The following BCKDHB variants were observed in gnomAD, a reference collection of about 807,000 sequenced individuals.
The protein encoded by BCKDHB is branched chain keto acid dehydrogenase E1 subunit beta.
BCKDHB carries 41 observed loss-of-function variants against 48.5 expected under a neutral mutation model. That is an observed-to-expected ratio of 0.85 (90% CI 0.66 to 1.10). BCKDHB has a LOEUF of 1.10. BCKDHB is among the 50% of genes least tolerant of loss of function. The pLI is 0.00. For missense variants in BCKDHB, 496 were observed against 494.2 expected, an observed-to-expected ratio of 1.00 and a Z score of -0.03; for synonymous variants, 201 against 174.8, an observed-to-expected ratio of 1.15 and a Z score of -1.18.
chr6:80,225,789 G>A (rs1474285382), intron 8 of BCKDHB, among the ~76,000 whole-genome samples: 1 of 151,916 alleles, frequency 6.6e-6, no homozygotes, highest in East Asian at 1.9e-4. Flanking sequence ...CTTCCTTTGA[G>A]GCAGTGTTTA....
intron 8 of BCKDHB, among the ~76,000 whole-genome samples, chr6:80,271,047 C>A (rs1435296763): frequency 1.3e-5 from 2 of 152,094 alleles, no homozygotes; most frequent in Non-Finnish European, 2.9e-5. Context: ...TCCTACACTT[C>A]CTTCACTGCA....
the BCKDHB span, among the ~76,000 whole-genome samples, chr6:80,373,748 A>G: frequency 6.6e-6 from 1 of 152,098 alleles, no homozygotes; most frequent in Non-Finnish European, 1.5e-5. Context: ...GCCTTTTATC[A>G]TTATGTAATG....
chr6:80,194,903 C>T (rs1390124796), intron 6 of BCKDHB, among the ~76,000 whole-genome samples: 1 of 152,082 alleles, frequency 6.6e-6, no homozygotes, highest in East Asian at 1.9e-4. Flanking sequence ...TCAGTAAAAC[C>T]TTGTCATGCT....
intron 3 of BCKDHB, among the ~76,000 whole-genome samples, chr6:80,146,682 G>A (rs1017651068): frequency 6.6e-6 from 1 of 152,138 alleles, no homozygotes; most frequent in Non-Finnish European, 1.5e-5. Flanking sequence ...TTGCCCAAAG[G>A]CTTAGGAATT....
chr6:80,110,534 C>T (rs367896934), intron 1 of BCKDHB, among the ~76,000 whole-genome samples: 1 of 152,186 alleles, frequency 6.6e-6, no homozygotes, highest in East Asian at 1.9e-4. Context: ...TCCTGAAAAC[C>T]CTGAGGGAGA....
intron 8 of BCKDHB, among the ~76,000 whole-genome samples, chr6:80,267,775 G>A (rs1472761361): frequency 6.6e-6 from 1 of 152,062 alleles, no homozygotes; most frequent in Non-Finnish European, 1.5e-5. Context: ...AGGAAAAAAT[G>A]AACCAGTGAG....
chr6:80,212,104 G>T (rs149483187), intron 8 of BCKDHB, among the ~76,000 whole-genome samples: 3,299 of 152,212 alleles, frequency 0.022, 121 homozygotes, highest in African/African-American at 0.075. Context: ...ACTGATAAGG[G>T]TCTATGTTCA....
At chr6:80,111,261 G>T (rs1769394314) in intron 1 of BCKDHB, among the ~76,000 whole-genome samples, 1 of 152,186 alleles carries the variant, frequency 6.6e-6, no homozygotes, top group African/African-American at 2.4e-5. Flanking sequence ...ATGACGTCCA[G>T]AGTTACCTGG....
At position 80,203,026 on chromosome 6, in the gene BCKDHB, T is replaced by G. The variant is rs922516948; in HGVS notation, c.841-76T>G. ...AGACTTTAAATACTGTCTCTAATAG[T>G]GACATCAGCATTCAACTAGTTTTTG... On this transcript the variant is annotated intron_variant, in intron 7 of 9. Coordinates refer to ENST00000320393, the MANE Select transcript of BCKDHB (RefSeq NM_183050.4). 2.3e-5 allele frequency: 21 copies of G among 930,180 alleles called. No homozygotes were observed. The African/African-American group carries it at 2.6e-4, about 11-fold the overall frequency. The allele number at this position is 930,180 out of a possible 1,614,324, so 57.6% of individuals were successfully genotyped here. A position where few individuals can be genotyped will look rare whatever the true frequency, so the allele number is the denominator to read the frequency against.
chr6:80,328,409 T>C (rs1769150121), intron 9 of BCKDHB, among the ~76,000 whole-genome samples: 1 of 152,216 alleles, frequency 6.6e-6, no homozygotes, highest in Non-Finnish European at 1.5e-5. Flanking sequence ...ACAAGGACTC[T>C]CGTCTCCTTT....
intron 1 of BCKDHB, among the ~76,000 whole-genome samples, chr6:80,115,956 C>T (rs1333784641): frequency 6.6e-6 from 1 of 152,152 alleles, no homozygotes; most frequent in African/African-American, 2.4e-5. Flanking sequence ...ATATCAATAA[C>T]TAGGCAGTAC....
chr6:80,377,011 T>C, the BCKDHB span, among the ~76,000 whole-genome samples: 2 of 151,384 alleles, frequency 1.3e-5, no homozygotes, highest in Non-Finnish European at 2.9e-5. Context: ...ACTTTTTTAA[T>C]AGTGTCCTTT....
At chr6:80,333,637 T>G (rs973933735) in intron 9 of BCKDHB, among the ~76,000 whole-genome samples, 2 of 152,124 alleles carry the variant, frequency 1.3e-5, no homozygotes, top group Admixed American at 1.3e-4. Flanking sequence ...CTCCTGTATC[T>G]CTAGTAGCCT....
intron 8 of BCKDHB, among the ~76,000 whole-genome samples, chr6:80,233,670 C>T (rs1284322680): frequency 6.6e-6 from 1 of 152,182 alleles, no homozygotes; most frequent in East Asian, 1.9e-4. Flanking sequence ...ATTTTATCTA[C>T]TTTGCGTGTC....
At chr6:80,130,935 G>A (rs1770596825) in intron 3 of BCKDHB, among the ~76,000 whole-genome samples, 1 of 152,158 alleles carries the variant, frequency 6.6e-6, no homozygotes, top group African/African-American at 2.4e-5. Flanking sequence ...CAGTGTAGTA[G>A]CATGCCATGT....
chr6:80,419,860 T>G, the BCKDHB span, among the ~76,000 whole-genome samples: 1 of 152,230 alleles, frequency 6.6e-6, no homozygotes, highest in Non-Finnish European at 1.5e-5. Context: ...TTCCTTTGAA[T>G]GGATAATTTC....
chr6:80,286,370 T>C (rs1582505333), intron 9 of BCKDHB, among the ~76,000 whole-genome samples: 1 of 152,220 alleles, frequency 6.6e-6, no homozygotes, highest in East Asian at 1.9e-4. Flanking sequence ...AAACATTCAT[T>C]TGTATGACTT....
In BCKDHB at chr6:80,289,973, G is replaced by C. The variant is rs1738372761; in HGVS notation, c.1038+16752G>C. On this transcript the variant is annotated intron_variant, in intron 9 of 9. Transcript: ENST00000320393. ...ATCTATTCTGCAAGGCTTCCTGCCT[G>C]CTGGCCCCACCCAGGGTCACGCTTA... 2.0e-5 allele frequency among the ~76,000 whole-genome samples: 3 copies of C among 152,162 alleles called. 1 individual carries two copies. The South Asian group carries it at 6.2e-4, about 32-fold the overall frequency.
At chr6:80,383,036 A>G in the BCKDHB span, among the ~76,000 whole-genome samples, 5 of 152,194 alleles carry the variant, frequency 3.3e-5, no homozygotes, top group Non-Finnish European at 5.9e-5. Context: ...GCTGAAGACC[A>G]GCTTTGGCTC....
Sources: gnomAD v4.1 joint callset for allele counts (sites outside exome capture counted in the v4.1 genomes callset) on GRCh38, gnomAD v4.1.1 for gene constraint, MANE v1.5 for transcripts, NCBI Gene and HGNC (gene_info 2026-07-23, HGNC 2026-07-21) for gene names.